SPAG1: variants seen among roughly 807,000 people sequenced by gnomAD.
SPAG1 encodes the protein sperm-associated antigen 1.
Under a neutral mutation model 100.5 loss-of-function variants are expected in SPAG1, and 69 were observed. The ratio of observed to expected loss-of-function variants is 0.69; its 90% confidence interval spans 0.57 to 0.84. SPAG1 has a LOEUF of 0.84. SPAG1 is among the 40% of genes least tolerant of loss of function. SPAG1 has a pLI of 0.00. For missense variants in SPAG1, 955 were observed against 1,133.1 expected (o/e 0.84, Z 2.26); for synonymous variants, 336 against 411.6 (o/e 0.82, Z 2.22).
At chr8:100,180,954 A>C (rs1816340525) in intron 4 of SPAG1, among the ~76,000 whole-genome samples, 3 of 152,214 alleles carry the variant, frequency 2.0e-5, no homozygotes, top group Admixed American at 2.0e-4. Context: ...GTATAACTCC[A>C]ATGACCAATA....
intron 4 of SPAG1, among the ~76,000 whole-genome samples, 160 bp from the exon 5 acceptor site, chr8:100,183,215 T>G (rs1035702122): frequency 6.6e-6 from 1 of 152,100 alleles, no homozygotes; most frequent in Non-Finnish European, 1.5e-5. Flanking sequence ...TCAAGTGAGC[T>G]GTCCACCTCA....
intron 8 of SPAG1, among the ~76,000 whole-genome samples, chr8:100,189,027 C>G (rs898856462): frequency 2.0e-5 from 3 of 152,174 alleles, no homozygotes; most frequent in African/African-American, 7.2e-5. Context: ...TGTATTAACT[C>G]TGTTAATTTT....
At chr8:100,180,782 A>T (rs2132250179) in intron 4 of SPAG1, among the ~76,000 whole-genome samples, 1 of 152,354 alleles carries the variant, frequency 6.6e-6, no homozygotes, top group Non-Finnish European at 1.5e-5. Flanking sequence ...GACTGTATTT[A>T]AGTCTGTTGG....
chr8:100,233,260 A>G (rs1017831741), intron 15 of SPAG1, 151 bp from the exon 16 acceptor site: 3 of 801,788 alleles, frequency 3.7e-6, no homozygotes, highest in East Asian at 2.7e-5. Context: ...GCCCAGTGCC[A>G]TAATTGAATC....
intron 10 of SPAG1, among the ~76,000 whole-genome samples, chr8:100,208,046 C>T (rs533449057): frequency 6.6e-6 from 1 of 152,288 alleles, no homozygotes; most frequent in Non-Finnish European, 1.5e-5. Flanking sequence ...GGAAGTGGTA[C>T]CACTCACCAT....
intron 13 of SPAG1, among the ~76,000 whole-genome samples, chr8:100,221,563 AG>A (rs1818282065): frequency 6.6e-6 from 1 of 152,210 alleles, no homozygotes; most frequent in South Asian, 2.1e-4. Flanking sequence ...CTAGTGGACC[AG>A]GCCTTGATCC....
At chr8:100,219,531 A>C (rs1818164860) in intron 12 of SPAG1, among the ~76,000 whole-genome samples, 1 of 152,212 alleles carries the variant, frequency 6.6e-6, no homozygotes, top group East Asian at 1.9e-4. Context: ...GACTTAACAT[A>C]TTTTCAGTTT....
chr8:100,239,715 G>C lies in SPAG1; in HGVS notation c.2280+311G>C, dbSNP rs59705146. On this transcript the variant is annotated intron_variant, in intron 17 of 18. Coordinates refer to ENST00000388798, the MANE Select transcript of SPAG1 (RefSeq NM_003114.5). The surrounding 1 kb of genome is among the most constrained non-coding windows in gnomAD (Gnocchi z 5.0). ...CAGCGGCCACTGACTTTGCTCCAGG[G>C]TAGACCTGGAGAATCCTGACGGGAC... Among the ~76,000 whole-genome samples, 781 of 152,302 alleles carry C rather than the reference G, an allele frequency of 5.1e-3. 10 individuals are homozygous for C. Among genetic ancestry groups the C allele is most frequent in the African/African-American group, 0.018 (764 of 41,546 alleles).
At chr8:100,167,445 C>T (rs965243563) in intron 3 of SPAG1, among the ~76,000 whole-genome samples, 2 of 152,156 alleles carry the variant, frequency 1.3e-5, no homozygotes, top group African/African-American at 4.8e-5. Flanking sequence ...ATTATAACAG[C>T]ATACTGTTGT....
intron 12 of SPAG1, among the ~76,000 whole-genome samples, chr8:100,214,852 C>T (rs999219721): frequency 2.2e-4 from 33 of 151,398 alleles, no homozygotes; most frequent in African/African-American, 7.8e-4. Flanking sequence ...TGGTGGCATA[C>T]CCTTGTAGTC....
At chr8:100,158,575 C>G (rs1342985548), upstream of SPAG1, 1 of 151,934 alleles carries the variant, frequency 6.6e-6, no homozygotes, top group Admixed American at 6.6e-5. Flanking sequence ...TGGGAGAGAC[C>G]CAGCTTTTCG....
intron 10 of SPAG1, among the ~76,000 whole-genome samples, chr8:100,202,829 C>CTGTTTTGA (rs1011792952): frequency 6.7e-6 from 1 of 150,320 alleles, no homozygotes; most frequent in Non-Finnish European, 1.5e-5. Flanking sequence ...CAATACCACA[C>CTGTTTTGA]TGTTTTGATT....
chr8:100,172,101 G>T (rs1403844364), intron 3 of SPAG1, among the ~76,000 whole-genome samples: 2 of 151,842 alleles, frequency 1.3e-5, no homozygotes. Flanking sequence ...TCATTGTTTT[G>T]TAAGAGTTCT....
chr8:100,176,191 C>T (rs1371202848), intron 3 of SPAG1, among the ~76,000 whole-genome samples: 4 of 152,132 alleles, frequency 2.6e-5, no homozygotes, highest in Non-Finnish European at 4.4e-5. Context: ...TTCCTGTTCT[C>T]TTGACATTTT....
intron 15 of SPAG1, 110 bp from the exon 16 acceptor site, chr8:100,233,301 G>A (rs1818860239): frequency 8.4e-7 from 1 of 1,187,942 alleles, no homozygotes; most frequent in African/African-American, 1.5e-5. Context: ...AACCGCAGTG[G>A]TATAGCAACA....
At chr8:100,192,029 G>A (rs1038204155) in intron 9 of SPAG1, among the ~76,000 whole-genome samples, 4 of 152,090 alleles carry the variant, frequency 2.6e-5, no homozygotes, top group African/African-American at 9.7e-5. Flanking sequence ...AGTCAAACAC[G>A]AAAAGACTTT....
intron 10 of SPAG1, among the ~76,000 whole-genome samples, chr8:100,203,878 G>A (rs954329806): frequency 8.5e-5 from 13 of 152,294 alleles, no homozygotes; most frequent in African/African-American, 1.2e-4. Context: ...TGGCTGACCT[G>A]CAACAAAAGG....
At chr8:100,170,957 A>G (rs113847176) in intron 3 of SPAG1, among the ~76,000 whole-genome samples, 106 of 152,118 alleles carry the variant, frequency 7.0e-4, no homozygotes, top group Non-Finnish European at 1.4e-3. Context: ...TCTGACTTTC[A>G]CTGTGAAATA....
chr8:100,203,295 C>T lies in SPAG1; in HGVS notation c.1096+9027C>T, dbSNP rs145837042. On this transcript the variant is annotated intron_variant, in intron 10 of 18. Transcript: ENST00000388798. ...GCTTGCAGACAGCCTATTGTGGGAC[C>T]TTGTGATTGTGAAAGTTAATACTGA... 2.2e-3 allele frequency among the ~76,000 whole-genome samples: 329 copies of T among 152,164 alleles called. 3 individuals are homozygous for T. Among genetic ancestry groups the T allele is most frequent in the African/African-American group, 7.5e-3 (312 of 41,490 alleles).
Sources: gnomAD v4.1 joint callset for allele counts (sites outside exome capture counted in the v4.1 genomes callset) on GRCh38, gnomAD v4.1.1 for gene constraint, Gnocchi (gnomAD v3.1) non-coding constraint, MANE v1.5 for transcripts, NCBI Gene and HGNC (gene_info 2026-07-23, HGNC 2026-07-21) for gene names.